DPP10: variants seen among roughly 807,000 people sequenced by gnomAD.
DPP10 encodes the protein inactive dipeptidyl peptidase 10.
Under a neutral mutation model 120.9 loss-of-function variants are expected in DPP10, and 33 were observed. That is an observed-to-expected ratio of 0.27 (90% confidence interval 0.21 to 0.37). DPP10 has a LOEUF of 0.37. DPP10 is among the 10% of genes least tolerant of loss of function. The pLI is 1.00. For synonymous variants in DPP10, 337 were observed against 326.1 expected (o/e 1.03, Z -0.36); for missense variants, 816 against 942.8 (o/e 0.87, Z 1.76).
chr2:114,504,328 C>T (rs187590803), intron 1 of DPP10, among the ~76,000 whole-genome samples: 55 of 152,202 alleles, frequency 3.6e-4, no homozygotes, highest in African/African-American at 1.3e-3. Context: ...TCTTGAAGTG[C>T]CAGTTTTCTA....
intron 1 of DPP10, among the ~76,000 whole-genome samples, chr2:115,297,805 A>T (rs979586658): frequency 6.6e-6 from 1 of 152,034 alleles, no homozygotes; most frequent in Non-Finnish European, 1.5e-5. Context: ...CATCCCCTGA[A>T]ATCAAGCTTA....
chr2:115,409,399 CA>C (rs1444921736), intron 3 of DPP10, among the ~76,000 whole-genome samples: 2 of 152,060 alleles, frequency 1.3e-5, no homozygotes, highest in African/African-American at 4.8e-5. Context: ...AAATGGCCAA[CA>C]AAAGTGAAAA....
chr2:115,140,767 T>G (rs1284931406), intron 1 of DPP10, among the ~76,000 whole-genome samples: 1 of 152,096 alleles, frequency 6.6e-6, no homozygotes, highest in African/African-American at 2.4e-5. Context: ...GACGCCAAGT[T>G]TTCTGATCCA....
At chr2:114,478,656 A>C (rs1468562780) in intron 1 of DPP10, among the ~76,000 whole-genome samples, 2 of 152,138 alleles carry the variant, frequency 1.3e-5, no homozygotes, top group Non-Finnish European at 2.9e-5. Flanking sequence ...TCCATTTACA[A>C]ATTTCATAAT....
At chr2:115,486,984 A>G (rs1418492530) in intron 3 of DPP10, among the ~76,000 whole-genome samples, 2 of 152,176 alleles carry the variant, frequency 1.3e-5, no homozygotes, top group African/African-American at 4.8e-5. Context: ...ACTTTTAAAT[A>G]AAAACGAACT....
intron 1 of DPP10, among the ~76,000 whole-genome samples, chr2:115,259,942 G>A (rs908650769): frequency 6.6e-6 from 1 of 151,466 alleles, no homozygotes; most frequent in Non-Finnish European, 1.5e-5. Context: ...TAGGTCAGTC[G>A]GTCATATGTT....
chr2:114,639,098 A>G (rs1437346041), intron 1 of DPP10, among the ~76,000 whole-genome samples: 1 of 151,918 alleles, frequency 6.6e-6, no homozygotes, highest in African/African-American at 2.4e-5. Context: ...CACTGCTAAT[A>G]AAGACATACA....
chr2:115,054,574 A>G (rs1705752207), intron 1 of DPP10, among the ~76,000 whole-genome samples: 1 of 152,202 alleles, frequency 6.6e-6, no homozygotes, highest in Non-Finnish European at 1.5e-5. Context: ...TGCTTAATTT[A>G]ACCTTCAGTC....
intron 3 of DPP10, among the ~76,000 whole-genome samples, chr2:115,365,532 A>T (rs1295962574): frequency 2.0e-5 from 3 of 150,890 alleles, no homozygotes; most frequent in African/African-American, 7.3e-5. Context: ...TTAAGAATTT[A>T]TTTTTTTTTC....
intron 3 of DPP10, among the ~76,000 whole-genome samples, chr2:115,434,877 A>G (rs561377498): frequency 2.0e-5 from 3 of 151,604 alleles, no homozygotes; most frequent in Non-Finnish European, 4.4e-5. Context: ...TCTACCCTCT[A>G]TCTCCATGAA....
At chr2:115,499,089 A>C (rs2076551549) in intron 3 of DPP10, among the ~76,000 whole-genome samples, 1 of 152,158 alleles carries the variant, frequency 6.6e-6, no homozygotes, top group East Asian at 1.9e-4. Context: ...AGAATGATTC[A>C]ATCTTAGGAG....
intron 1 of DPP10, among the ~76,000 whole-genome samples, chr2:115,137,717 T>C (rs2050720896): frequency 6.6e-6 from 1 of 152,130 alleles, no homozygotes; most frequent in African/African-American, 2.4e-5. Flanking sequence ...TGTTAAGAGA[T>C]TGAGTGAACT....
intron 1 of DPP10, among the ~76,000 whole-genome samples, chr2:114,875,115 C>T (rs919336764): frequency 1.3e-5 from 2 of 152,094 alleles, no homozygotes; most frequent in African/African-American, 4.8e-5. Context: ...TTGTAGCTTG[C>T]CTTTACTTGT....
At chr2:114,606,594 G>T (rs1692823678) in intron 1 of DPP10, among the ~76,000 whole-genome samples, 1 of 152,116 alleles carries the variant, frequency 6.6e-6, no homozygotes, top group South Asian at 2.1e-4. Context: ...GAGTGGGAAT[G>T]ACAGTCTGGA....
intron 1 of DPP10, among the ~76,000 whole-genome samples, chr2:114,875,046 C>T (rs954953323): frequency 1.3e-5 from 2 of 152,130 alleles, no homozygotes; most frequent in Non-Finnish European, 2.9e-5. Flanking sequence ...ATTCTGTCAT[C>T]TGGATGTTGT....
chr2:115,046,240 C>A (rs957713098), intron 1 of DPP10, among the ~76,000 whole-genome samples: 2 of 152,230 alleles, frequency 1.3e-5, no homozygotes, highest in East Asian at 1.9e-4. Context: ...GAGCAATGAC[C>A]ATGTCAGCAA....
rs542261996 is a variant in DPP10, at chr2:115,013,937, A to C, written c.61-295302A>C. ...ACTATCAATTTTAGACAGATCAATG[A>C]GACAGAAAATTAACAAGCATATTCA... On this transcript the variant is annotated intron_variant, in intron 1 of 25. Coordinates refer to ENST00000410059, the MANE Select transcript of DPP10 (RefSeq NM_020868.6). 1.2e-4 allele frequency among the ~76,000 whole-genome samples: 19 copies of C among 152,254 alleles called. No individual in the cohort carries two copies. The East Asian group carries it at 1.9e-3, about 15-fold the overall frequency.
At chr2:115,591,514 A>G (rs1168803858) in intron 5 of DPP10, among the ~76,000 whole-genome samples, 1 of 152,044 alleles carries the variant, frequency 6.6e-6, no homozygotes, top group Non-Finnish European at 1.5e-5. Flanking sequence ...ATTGGTCTAT[A>G]TCTCTGTTTT....
chr2:115,560,997 G>A (rs2080621485), intron 5 of DPP10, among the ~76,000 whole-genome samples: 1 of 151,956 alleles, frequency 6.6e-6, no homozygotes, highest in Non-Finnish European at 1.5e-5. Context: ...TTGCAGTCGG[G>A]AGCCGTATGG....
Sources: gnomAD v4.1 joint callset for allele counts (sites outside exome capture counted in the v4.1 genomes callset) on GRCh38, gnomAD v4.1.1 for gene constraint, MANE v1.5 for transcripts, NCBI Gene and HGNC (gene_info 2026-07-23, HGNC 2026-07-21) for gene names.